Variants in OPN3 observed in about 807,000 individuals in gnomAD.
The protein encoded by OPN3 is opsin-3.
OPN3 carries 29 observed loss-of-function variants against 33.8 expected under a neutral mutation model. The observed-to-expected ratio is 0.86, with a 90% CI of 0.64 to 1.17. The LOEUF (loss-of-function observed/expected upper bound fraction) is 1.17, where lower values mean the gene tolerates loss of function less well. Among genes scored for constraint, OPN3 ranks in the 50% most tolerant of loss-of-function variants. The pLI is 0.00. For missense variants in OPN3, 437 were observed against 514.1 expected (o/e 0.85, Z 1.45); for synonymous variants, 216 against 216.1 (o/e 1.00, Z 0.00).
intron 1 of OPN3, among the ~76,000 whole-genome samples, chr1:241,612,846 A>T (rs1664033066): frequency 6.6e-6 from 1 of 152,042 alleles, no homozygotes; most frequent in Non-Finnish European, 1.5e-5. Flanking sequence ...AACCCAACCA[A>T]TCAATGACCC....
chr1:241,635,138 T>C (rs1664832880), intron 1 of OPN3: 1 of 1,612,768 alleles, frequency 6.2e-7, no homozygotes, highest in South Asian at 1.1e-5. Flanking sequence ...AATTGGTTCA[T>C]CGGCCTTATC....
chr1:241,604,431 C>G lies in OPN3; in HGVS notation c.522G>C (p.Leu174=). The G allele has an allele frequency of 6.2e-7, 1 of 1,614,134 alleles. No homozygotes were observed. The highest frequency in any genetic ancestry group is 8.5e-7 in the Non-Finnish European group (1 of 1,180,038). The change falls in exon 2 of 4, where the codon CTG becomes CTC. Residue 174 remains leucine (L), a synonymous_variant. Coordinates refer to ENST00000366554, the MANE Select transcript of OPN3 (RefSeq NM_014322.3). ...YSLAWAGAPL[L]GWNRYILDVH... ...CGTCCAGGATGTACCTGTTCCATCC[C>G]AGGAGAGGTGCTCCTGCCCACGCCA...
chr1:241,603,049 T>C (rs1663718213), intron 2 of OPN3, among the ~76,000 whole-genome samples: 1 of 151,820 alleles, frequency 6.6e-6, no homozygotes, highest in African/African-American at 2.4e-5. Flanking sequence ...AGCCTGGTAA[T>C]ATGCTAAAGG....
At chr1:241,635,297 T>A in intron 1 of OPN3, 1 of 1,613,990 alleles carries the variant, frequency 6.2e-7, no homozygotes, top group Non-Finnish European at 8.5e-7. Flanking sequence ...TTTCTGAGTG[T>A]GTTTTGCAGG....
At chr1:241,598,257 C>T (rs997862550) in intron 2 of OPN3, among the ~76,000 whole-genome samples, 3 of 152,006 alleles carry the variant, frequency 2.0e-5, no homozygotes, top group Non-Finnish European at 2.9e-5. Context: ...TTTTTTTTGA[C>T]GTTCTCTTAT....
chr1:241,639,756 G>A, intron 1 of OPN3, 126 bp downstream of exon 1: 1 of 974,988 alleles, frequency 1.0e-6, no homozygotes, highest in East Asian at 3.2e-5. Flanking sequence ...GCGGTGTAGG[G>A]CGGGGGGCGC....
intron 1 of OPN3, among the ~76,000 whole-genome samples, chr1:241,637,277 T>A (rs1246266208): frequency 1.3e-5 from 2 of 152,202 alleles, no homozygotes; most frequent in Non-Finnish European, 1.5e-5. Context: ...CAATTGGAAC[T>A]TAGATTAAAT....
At chr1:241,635,035 T>C in intron 1 of OPN3, 1 of 1,613,300 alleles carries the variant, frequency 6.2e-7, no homozygotes, top group Non-Finnish European at 8.5e-7. Context: ...AAAGATCAAT[T>C]AGCAATCCTT....
chr1:241,623,784 C>T (rs1334909180), intron 1 of OPN3, among the ~76,000 whole-genome samples: 9 of 152,314 alleles, frequency 5.9e-5, no homozygotes, highest in Non-Finnish European at 4.4e-5. Flanking sequence ...CCTATCCAGG[C>T]CTTATCACAT....
At chr1:241,613,446 T>A (rs1348667627) in intron 1 of OPN3, among the ~76,000 whole-genome samples, 4 of 152,236 alleles carry the variant, frequency 2.6e-5, no homozygotes, top group Non-Finnish European at 5.9e-5. Context: ...TGTTTTCTAA[T>A]TCTTCTTTGA....
chr1:241,626,716 T>C (rs114488658), intron 1 of OPN3, among the ~76,000 whole-genome samples: 15 of 152,164 alleles, frequency 9.9e-5, no homozygotes, highest in Non-Finnish European at 1.9e-4. Flanking sequence ...AATTAACTTA[T>C]AGTAATGATA....
intron 2 of OPN3, among the ~76,000 whole-genome samples, chr1:241,599,734 T>C (rs1437566555): frequency 6.6e-6 from 1 of 152,096 alleles, no homozygotes; most frequent in Admixed American, 6.6e-5. Context: ...ATTAACCACT[T>C]TTGCTCGCAG....
chr1:241,604,694 G>A (rs1663778553), intron 1 of OPN3, 115 bp from the exon 2 acceptor site: 1 of 914,416 alleles, frequency 1.1e-6, no homozygotes, highest in East Asian at 2.6e-5. Flanking sequence ...TCGATAGAGT[G>A]CTCTCAAAGC....
chr1:241,613,533 T>C (rs1191955600), intron 1 of OPN3, among the ~76,000 whole-genome samples: 1 of 152,248 alleles, frequency 6.6e-6, no homozygotes, highest in African/African-American at 2.4e-5. Flanking sequence ...GCTACGTATG[T>C]TCTGTAACCA....
chr1:241,609,922 A>T (rs1663945103), intron 1 of OPN3, among the ~76,000 whole-genome samples: 1 of 152,238 alleles, frequency 6.6e-6, no homozygotes, highest in Admixed American at 6.5e-5. Flanking sequence ...CACAGCAGGG[A>T]TAGTCCATCT....
Position 241,613,335 on chromosome 1 carries a change from CAAT to C in OPN3, c.374-8759_374-8757del, listed in dbSNP as rs755985343. Among the ~76,000 whole-genome samples the C allele has an allele frequency of 4.3e-4, 65 of 152,020 alleles. 1 individual carries two copies. The highest frequency in any genetic ancestry group is 2.1e-4 in the Non-Finnish European group (14 of 68,004). On this transcript the variant is annotated intron_variant, in intron 1 of 3. Coordinates refer to ENST00000366554, the MANE Select transcript of OPN3 (RefSeq NM_014322.3). ...CATTTTACAGATGAAGAAACTGAGGCAATAATGGTTTAGTCATTTGCCAAGGTC... is the reference window on the plus strand; with the variant it reads ...CATTTTACAGATGAAGAAACTGAGGCAATGGTTTAGTCATTTGCCAAGGTC...
intron 1 of OPN3, among the ~76,000 whole-genome samples, chr1:241,621,081 G>C (rs2148013302): frequency 6.6e-6 from 1 of 152,132 alleles, no homozygotes; most frequent in Non-Finnish European, 1.5e-5. Context: ...ATGGAATGGA[G>C]GAAATACATA....
At chr1:241,639,748 G>GGT in intron 1 of OPN3, 134 bp downstream of exon 1, 2 of 886,828 alleles carry the variant, frequency 2.3e-6, no homozygotes, top group Non-Finnish European at 3.1e-6. Flanking sequence ...GGAGCGGGGC[G>GGT]GTGTAGGGCG....
intron 1 of OPN3, among the ~76,000 whole-genome samples, chr1:241,606,993 T>C (rs1371072031): frequency 6.6e-6 from 1 of 152,122 alleles, no homozygotes; most frequent in Non-Finnish European, 1.5e-5. Context: ...AATACAGAGG[T>C]GCTGGACTCA....
Sources: gnomAD v4.1 joint callset for allele counts (sites outside exome capture counted in the v4.1 genomes callset) on GRCh38, gnomAD v4.1.1 for gene constraint, MANE v1.5 for transcripts, NCBI Gene and HGNC (gene_info 2026-07-23, HGNC 2026-07-21) for gene names.